Variants in POU2F3 observed in about 807,000 individuals in gnomAD.
POU2F3 encodes POU domain, class 2, transcription factor 3.
POU2F3 carries 23 observed loss-of-function variants against 59.2 expected under a neutral mutation model. The observed-to-expected ratio is 0.39, with a 90% confidence interval of 0.28 to 0.55. POU2F3 has a LOEUF of 0.55. POU2F3 is among the 20% of genes least tolerant of loss of function. The pLI is 0.66. For missense variants in POU2F3, 473 were observed against 544.5 expected, an observed-to-expected ratio of 0.87 and a Z score of 1.31; for synonymous variants, 190 against 214.6, an observed-to-expected ratio of 0.89 and a Z score of 1.00.
intron 3 of POU2F3, among the ~76,000 whole-genome samples, chr11:120,269,566 G>A (rs1357970644): frequency 6.6e-6 from 1 of 152,186 alleles, no homozygotes; most frequent in Non-Finnish European, 1.5e-5. Flanking sequence ...TCTTGGGTGG[G>A]TGTTTGCATG....
chr11:120,254,325 A>G (rs181806445), intron 2 of POU2F3, among the ~76,000 whole-genome samples: 1 of 152,330 alleles, frequency 6.6e-6, no homozygotes, highest in Non-Finnish European at 1.5e-5. Flanking sequence ...ACAAGCAGAC[A>G]TACACTTCAG....
Position 120,269,252 on chromosome 11 carries a change from C to G in POU2F3, c.132+8C>G. ...CTAGATTTCAACAGGCAGGTAAGAA[C>G]TTGGGTCAGAAAGAAACGTTTATTC... On this transcript the variant is annotated splice_region_variant and intron_variant, in intron 3 of 12. Transcript: ENST00000543440. 1 of 1,580,844 alleles carries G rather than the reference C, an allele frequency of 6.3e-7. No homozygotes were observed. Among genetic ancestry groups the G allele is most frequent in the Non-Finnish European group, 8.7e-7 (1 of 1,149,980 alleles).
chr11:120,290,787 C>T (rs1940991787), intron 3 of POU2F3, among the ~76,000 whole-genome samples: 2 of 152,220 alleles, frequency 1.3e-5, no homozygotes, highest in Admixed American at 6.5e-5. Flanking sequence ...TAGTGCTTCA[C>T]GATCATAAGT....
intron 3 of POU2F3, among the ~76,000 whole-genome samples, chr11:120,292,210 A>G (rs764068177): frequency 1.3e-5 from 2 of 152,204 alleles, no homozygotes; most frequent in Non-Finnish European, 2.9e-5. Context: ...AGGTCATGCA[A>G]CTAGTTGGAG....
intron 3 of POU2F3, among the ~76,000 whole-genome samples, chr11:120,275,070 C>T (rs191141802): frequency 1.5e-4 from 23 of 152,262 alleles, no homozygotes; most frequent in African/African-American, 5.5e-4. Flanking sequence ...CTTGCTGCCA[C>T]TGAGGGGTGA....
At chr11:120,296,358 AG>A (rs1941191939) in intron 3 of POU2F3, among the ~76,000 whole-genome samples, 1 of 152,252 alleles carries the variant, frequency 6.6e-6, no homozygotes, top group Admixed American at 6.5e-5. Context: ...AAATGTTAGT[AG>A]GATCTTCCTA....
intron 2 of POU2F3, among the ~76,000 whole-genome samples, chr11:120,267,792 C>CAT (rs1939897360): frequency 1.8e-5 from 1 of 55,740 alleles, no homozygotes; most frequent in Non-Finnish European, 2.7e-5. Context: ...TATATAGATG[C>CAT]ATATATATAG....
chr11:120,236,695 A>C, upstream of POU2F3: 1 of 1,502,462 alleles, frequency 6.7e-7, no homozygotes, highest in East Asian at 2.4e-5. Flanking sequence ...AAGAACTGCT[A>C]AAGGAGGAAG....
intron 3 of POU2F3, among the ~76,000 whole-genome samples, chr11:120,288,097 G>A (rs372006182): frequency 4.0e-5 from 1 of 24,924 alleles, no homozygotes; most frequent in Admixed American, 4.9e-4. Flanking sequence ...TGAAAAAAAA[G>A]AAAAGAAAGA....
upstream of POU2F3, among the ~76,000 whole-genome samples, chr11:120,237,604 G>A (rs1444157034): frequency 4.6e-5 from 7 of 152,166 alleles, no homozygotes; most frequent in South Asian, 2.1e-4. Flanking sequence ...AAAGGGCAAC[G>A]GGCCCCAGAT....
chr11:120,244,502 T>C (rs1412715771), intron 1 of POU2F3, among the ~76,000 whole-genome samples: 1 of 152,254 alleles, frequency 6.6e-6, no homozygotes, highest in Non-Finnish European at 1.5e-5. Flanking sequence ...AATATGTGGC[T>C]AGGGTCCCCT....
At chr11:120,305,612 T>A in intron 7 of POU2F3, 32 bp from the exon 8 acceptor site, 1 of 1,610,044 alleles carries the variant, frequency 6.2e-7, no homozygotes. Flanking sequence ...AGGCTGCCTC[T>A]CATGTTCCTC....
At chr11:120,249,298 C>G (rs527817813) in intron 2 of POU2F3, among the ~76,000 whole-genome samples, 118 of 152,340 alleles carry the variant, frequency 7.7e-4, no homozygotes, top group African/African-American at 2.8e-3. Context: ...TCTGAACTAT[C>G]AGCTTTTCTG....
intron 10 of POU2F3, among the ~76,000 whole-genome samples, chr11:120,312,446 A>C (rs1283471772): frequency 6.6e-6 from 1 of 152,210 alleles, no homozygotes; most frequent in Non-Finnish European, 1.5e-5. Flanking sequence ...TTATAAAACC[A>C]CATGATGCAT....
At chr11:120,314,213 C>A (rs1941725981) in intron 10 of POU2F3, among the ~76,000 whole-genome samples, 1 of 152,186 alleles carries the variant, frequency 6.6e-6, no homozygotes, top group Non-Finnish European at 1.5e-5. Flanking sequence ...ACAGGAAAAC[C>A]ATTTCTGATT....
chr11:120,276,871 G>T (rs1014498558), intron 3 of POU2F3, among the ~76,000 whole-genome samples: 1 of 151,958 alleles, frequency 6.6e-6, no homozygotes, highest in Non-Finnish European at 1.5e-5. Context: ...CTCCTGGCCG[G>T]GTGCAGTGGC....
intron 3 of POU2F3, among the ~76,000 whole-genome samples, chr11:120,283,440 G>A (rs78398238): frequency 2.0e-5 from 3 of 152,270 alleles, no homozygotes; most frequent in African/African-American, 4.8e-5. Context: ...TCCTGCTCAG[G>A]CAGGCCTCTG....
upstream of POU2F3, among the ~76,000 whole-genome samples, chr11:120,239,314 A>G (rs1938576812): frequency 6.6e-6 from 1 of 152,226 alleles, no homozygotes; most frequent in South Asian, 2.1e-4. Flanking sequence ...GGGTGAGCCT[A>G]TGATGGGTGC....
chr11:120,308,930 C>A (rs532277779), intron 9 of POU2F3, among the ~76,000 whole-genome samples: 1 of 77,682 alleles, frequency 1.3e-5, no homozygotes, highest in Non-Finnish European at 2.2e-5. Context: ...CAGAGCGAGA[C>A]TCCGTCTCAA....
Sources: gnomAD v4.1 joint callset for allele counts (sites outside exome capture counted in the v4.1 genomes callset) on GRCh38, gnomAD v4.1.1 for gene constraint, MANE v1.5 for transcripts, NCBI Gene and HGNC (gene_info 2026-07-23, HGNC 2026-07-21) for gene names.